ANK2: variants seen among roughly 807,000 people sequenced by gnomAD.
The protein encoded by ANK2 is ankyrin 2.
ANK2 carries 83 observed loss-of-function variants against 360.5 expected under a neutral mutation model. The ratio of observed to expected loss-of-function variants is 0.23; its 90% confidence interval spans 0.19 to 0.28. ANK2 has a LOEUF of 0.28. Among genes scored for constraint, ANK2 ranks in the 10% least tolerant of loss-of-function variants. The probability of loss-of-function intolerance (pLI) is 1.00; values close to 1 mark genes in which losing one functional copy is unlikely to be tolerated. For synonymous variants in ANK2, 1,740 were observed against 1,759.5 expected, an observed-to-expected ratio of 0.99 and a Z score of 0.28; for missense variants, 4,201 against 4,795.7, an observed-to-expected ratio of 0.88 and a Z score of 3.66.
the ANK2 span, chr4:112,739,250 T>C: frequency 1.1e-5 from 3 of 269,258 alleles, no homozygotes; most frequent in Non-Finnish European, 2.1e-5. Flanking sequence ...GTCTGATTTG[T>C]CTGGATATTT....
the ANK2 span, among the ~76,000 whole-genome samples, chr4:112,752,302 C>T: frequency 6.6e-6 from 1 of 152,214 alleles, no homozygotes; most frequent in Non-Finnish European, 1.5e-5. Context: ...CTCACCCAGT[C>T]GCTGGGCTGG....
chr4:113,101,445 C>T (rs1319923036), intron 1 of ANK2, among the ~76,000 whole-genome samples: 5 of 152,106 alleles, frequency 3.3e-5, no homozygotes, highest in African/African-American at 1.2e-4. Context: ...AAATTCTAGG[C>T]ATTAGTGGTG....
intron 21 of ANK2, 95 bp from the exon 22 acceptor site, chr4:113,293,345 A>C (rs1438272009): frequency 9.3e-7 from 1 of 1,075,020 alleles, no homozygotes; most frequent in East Asian, 2.5e-5. Context: ...TTTGGAAGGA[A>C]ATGCTGGCTG....
intron 1 of ANK2, among the ~76,000 whole-genome samples, chr4:112,893,889 G>A (rs897792967): frequency 6.6e-6 from 1 of 152,128 alleles, no homozygotes; most frequent in African/African-American, 2.4e-5. Context: ...CCCAGCTACT[G>A]GGGAGGCTGA....
At chr4:113,288,195 A>G (rs2065667795) in intron 19 of ANK2, among the ~76,000 whole-genome samples, 193 bp from the exon 20 acceptor site, 1 of 152,110 alleles carries the variant, frequency 6.6e-6, no homozygotes, top group Non-Finnish European at 1.5e-5. Context: ...TGTCACCCAC[A>G]TCTGATCTCT....
intron 43 of ANK2, 129 bp downstream of exon 43, chr4:113,369,934 C>T: frequency 9.2e-7 from 1 of 1,092,200 alleles, no homozygotes; most frequent in Non-Finnish European, 1.3e-6. Context: ...TAACCTGGCA[C>T]ATGGAAACCC....
At chr4:113,146,103 T>C (rs2096825471) in intron 1 of ANK2, 2 of 1,214,112 alleles carry the variant, frequency 1.6e-6, no homozygotes, top group African/African-American at 1.6e-5. Context: ...GGAAGGAAGC[T>C]GACAGAATAA....
At chr4:113,122,223 C>G (rs953525266) in intron 1 of ANK2, among the ~76,000 whole-genome samples, 3 of 152,142 alleles carry the variant, frequency 2.0e-5, no homozygotes, top group Non-Finnish European at 4.4e-5. Flanking sequence ...TGGGTAAAGA[C>G]TGCAGTGTAG....
intron 1 of ANK2, among the ~76,000 whole-genome samples, chr4:113,109,256 T>C (rs1581826673): frequency 6.6e-6 from 1 of 152,348 alleles, no homozygotes; most frequent in Middle Eastern, 3.4e-3. Flanking sequence ...CACAGTGCCT[T>C]GTTCACAGCT....
chr4:113,200,509 T>C (rs2098814374), intron 4 of ANK2, among the ~76,000 whole-genome samples: 1 of 152,204 alleles, frequency 6.6e-6, no homozygotes, highest in Non-Finnish European at 1.5e-5. Flanking sequence ...CCCTAGTATC[T>C]ATTATTTCCA....
At chr4:112,865,837 G>T (rs887569150) in intron 1 of ANK2, among the ~76,000 whole-genome samples, 1 of 152,146 alleles carries the variant, frequency 6.6e-6, no homozygotes, top group African/African-American at 2.4e-5. Context: ...GGTAAGGATG[G>T]TCTACTAGGT....
intron 1 of ANK2, among the ~76,000 whole-genome samples, chr4:113,050,690 G>A (rs1299526305): frequency 6.6e-6 from 1 of 152,124 alleles, no homozygotes; most frequent in African/African-American, 2.4e-5. Context: ...ATTTCCTGGA[G>A]CAATAATATG....
chr4:113,048,276 ATTTTTTT>A (rs1165941601), upstream of ANK2, among the ~76,000 whole-genome samples: 26 of 39,720 alleles, frequency 6.5e-4, no homozygotes, highest in Admixed American at 8.9e-4. Flanking sequence ...ATATATATAT[ATTTTTTT>A]TTTTTTTTTT....
At chr4:112,987,163 G>T (rs2045185043) in intron 2 of ANK2, among the ~76,000 whole-genome samples, 1 of 152,128 alleles carries the variant, frequency 6.6e-6, no homozygotes, top group African/African-American at 2.4e-5. Context: ...ATATTGCATG[G>T]GTCTATATTC....
intron 7 of ANK2, among the ~76,000 whole-genome samples, chr4:113,238,147 T>C (rs1018258602): frequency 3.3e-5 from 5 of 152,298 alleles, no homozygotes; most frequent in Non-Finnish European, 7.4e-5. Flanking sequence ...AAAATACTTG[T>C]CATGGAATTG....
rs190590036 is a variant in ANK2, at chr4:113,355,938, C to T, written c.7320C>T (p.Ser2440=). 2.4e-5 allele frequency: 39 copies of T among 1,614,088 alleles called. No individual in the cohort carries two copies. In the East Asian group the frequency reaches 8.2e-4, roughly 34 times the overall value. ...GCCACAAAGACTCTCTGGAAGCCAG[C>T]CCTGTGCTAGAAGATAACTCTTCAC... The part of the protein sequence containing the change: ...AVSHKDSLEA[S]PVLEDNSSHK... Residue 2440 remains serine (S), a synonymous_variant, in exon 38 of 46, where the codon AGC becomes AGT. Transcript: ENST00000357077.
upstream of ANK2, among the ~76,000 whole-genome samples, chr4:112,817,667 A>G (rs373627901): frequency 3.0e-4 from 45 of 151,780 alleles, 1 homozygote; most frequent in African/African-American, 1.0e-3. Flanking sequence ...ATATAGATAT[A>G]TATAAACTCT....
At chr4:113,107,032 C>A in intron 1 of ANK2, 1 of 427,624 alleles carries the variant, frequency 2.3e-6, no homozygotes, top group South Asian at 1.8e-5. Flanking sequence ...TTTTTCCATT[C>A]GAAACAAAGC....
In ANK2 at chr4:113,359,143, A is replaced by G. The variant is rs776473130; in HGVS notation, c.10525A>G (p.Ser3509Gly). 9 of 1,613,914 alleles carry G rather than the reference A, an allele frequency of 5.6e-6. No individual in the cohort carries two copies. Among genetic ancestry groups the G allele is most frequent in the South Asian group, 2.2e-5 (2 of 91,086 alleles). Residue 3509 changes from serine to glycine, a missense_variant, in exon 38 of 46, where the codon AGT becomes GGT. By Grantham distance (56) the Ser-to-Gly change is moderately conservative. This residue lies in a region of ANK2 where 2,642 missense variants were observed against 2,714.5 expected (regional missense o/e 0.97). Transcript: ENST00000357077. ...AATAGTTTCAGACGATGAAAGTAGT[A>G]GTGCCCTGGAAGTATCAGTAATTGA... is the stretch of plus-strand genomic sequence containing the variant. ...QEIVSDDESS[S>G]ALEVSVIENL...
Sources: allele counts gnomAD v4.1 joint callset (sites outside exome capture counted in the v4.1 genomes callset), GRCh38; gene constraint gnomAD v4.1.1; regional missense constraint gnomAD v4.1.1; transcripts MANE v1.5; gene names NCBI Gene and HGNC (gene_info 2026-07-23, HGNC 2026-07-21).